Variants in NBDY observed in about 807,000 individuals in gnomAD.
The protein encoded by NBDY is negative regulator of P-body association.
intron 2 of NBDY, among the ~76,000 whole-genome samples, chrX:56,783,302 C>A (rs1194439385): frequency 8.9e-6 from 1 of 112,943 alleles, no homozygotes; most frequent in Admixed American, 9.3e-5. Flanking sequence ...CATGAGTCGC[C>A]CAACACTCAA....
intron 2 of NBDY, among the ~76,000 whole-genome samples, chrX:56,782,073 C>T (rs769957735): frequency 9.0e-6 from 1 of 111,418 alleles, no homozygotes; most frequent in African/African-American, 3.3e-5. Context: ...CAAGAAGCTT[C>T]TCGTTTGTAT....
intron 2 of NBDY, among the ~76,000 whole-genome samples, chrX:56,809,216 A>C (rs1433648735): frequency 8.9e-6 from 1 of 112,006 alleles, no homozygotes; most frequent in Non-Finnish European, 1.9e-5. Context: ...TGCTGCTGAG[A>C]AGAATGTATA....
chrX:56,790,165 C>T (rs747684594), intron 2 of NBDY, among the ~76,000 whole-genome samples: 28 of 112,657 alleles, frequency 2.5e-4, no homozygotes, highest in Non-Finnish European at 4.3e-4. Flanking sequence ...GATGCGAAGC[C>T]ATGACCGCGT....
chrX:56,789,908 T>G (rs1302530028), intron 2 of NBDY, among the ~76,000 whole-genome samples: 1 of 111,378 alleles, frequency 9.0e-6, no homozygotes, highest in Non-Finnish European at 1.9e-5. Context: ...GGCCCTATCT[T>G]TGTTCCTGTT....
At chrX:56,798,504 G>A (rs1450082102) in intron 2 of NBDY, among the ~76,000 whole-genome samples, 1 of 111,735 alleles carries the variant, frequency 8.9e-6, no homozygotes, top group Non-Finnish European at 1.9e-5. Flanking sequence ...CTGTTGAGCA[G>A]TCTGCCCGTT....
intron 2 of NBDY, among the ~76,000 whole-genome samples, chrX:56,798,554 C>G (rs1236939507): frequency 8.9e-6 from 1 of 112,081 alleles, no homozygotes; most frequent in Non-Finnish European, 1.9e-5. Flanking sequence ...GGTAAACTAC[C>G]TAGAGCCTTT....
intron 2 of NBDY, among the ~76,000 whole-genome samples, chrX:56,761,808 C>T (rs113413753): frequency 0.027 from 3,015 of 111,865 alleles, 117 homozygotes; most frequent in African/African-American, 0.093. Context: ...TCGGGGTGCC[C>T]CTCTCCTTTC....
In NBDY at chrX:56,818,044, T is replaced by A. The variant is rs1403081118; in HGVS notation, c.*891T>A. 2 of 111,434 alleles carry A rather than the reference T, an allele frequency of 1.8e-5. No individual in the cohort carries two copies. The highest frequency in any genetic ancestry group is 6.5e-5 in the African/African-American group (2 of 30,746). 9.2% of individuals were successfully genotyped at this position (111,434 alleles called of 1,213,427 possible). ...AAACATTAGATAGCAGCTTTCAATATTTCATATAGTTCATAAATGTTTCAG... is the reference window on the plus strand; with the variant it reads ...AAACATTAGATAGCAGCTTTCAATAATTCATATAGTTCATAAATGTTTCAG... On this transcript the variant is annotated 3_prime_UTR_variant, in exon 3 of 3. Transcript: ENST00000374922.
At chrX:56,802,683 G>A (rs1569292155) in intron 2 of NBDY, among the ~76,000 whole-genome samples, 1 of 113,185 alleles carries the variant, frequency 8.8e-6, no homozygotes, top group Non-Finnish European at 1.9e-5. Context: ...CTTGTCCTGG[G>A]GCGGCAGCCC....
chrX:56,766,626 C>G (rs188199089), intron 2 of NBDY, among the ~76,000 whole-genome samples: 1 of 112,133 alleles, frequency 8.9e-6, no homozygotes, highest in East Asian at 2.8e-4. Context: ...GAAAGGGAGA[C>G]AGAGGAGCAT....
chrX:56,753,275 A>G (rs2069594630), intron 2 of NBDY, among the ~76,000 whole-genome samples: 1 of 112,530 alleles, frequency 8.9e-6, no homozygotes, highest in African/African-American at 3.2e-5. Flanking sequence ...CACAAAGGAT[A>G]GATAGTGATC....
chrX:56,740,798 G>A (rs1463721455), intron 2 of NBDY, among the ~76,000 whole-genome samples: 1 of 110,857 alleles, frequency 9.0e-6, no homozygotes, highest in Non-Finnish European at 1.9e-5. Flanking sequence ...TTTGATACAT[G>A]CAAAGTGTAA....
Position 56,732,169 on chromosome X carries a change from T to A in NBDY, c.*136T>A, listed in dbSNP as rs748489402. On this transcript the variant is annotated 3_prime_UTR_variant, in exon 2 of 3. Coordinates refer to ENST00000374922, the MANE Select transcript of NBDY (RefSeq NM_001348129.2). Reference sequence around the variant, plus strand: ...TACAATGCTACCCTGCTTTTTCTGGTGTCCTGAACCTGGAAGTTGTGCTTT... The same window carrying A: ...TACAATGCTACCCTGCTTTTTCTGGAGTCCTGAACCTGGAAGTTGTGCTTT... 2 of 294,971 alleles carry A rather than the reference T, an allele frequency of 6.8e-6. No homozygotes were observed. The highest frequency in any genetic ancestry group is 4.2e-4 in the South Asian group (2 of 4,810). The allele number at this position is 294,971 out of a possible 1,213,427, so 24.3% of individuals were successfully genotyped here. A position where few individuals can be genotyped will look rare whatever the true frequency, so the allele number is the denominator to read the frequency against.
chrX:56,767,523 G>C (rs1046599126), intron 2 of NBDY, among the ~76,000 whole-genome samples: 2 of 112,585 alleles, frequency 1.8e-5, no homozygotes. Flanking sequence ...CGAGCTACTC[G>C]CCGCGCTTGC....
Position 56,736,454 on chromosome X carries a change from C to T in NBDY, c.*166+4255C>T, listed in dbSNP as rs777435749. On this transcript the variant is annotated intron_variant, in intron 2 of 2. Coordinates refer to ENST00000374922, the MANE Select transcript of NBDY (RefSeq NM_001348129.2). ...CAATTTTCCGCATCCCTAGTAGAGA[C>T]GGGGTTTCACCATGTTGGTCAGGCT... is the stretch of plus-strand genomic sequence containing the variant. Among the ~76,000 whole-genome samples, 32 of 110,725 alleles carry T rather than the reference C, an allele frequency of 2.9e-4. No individual in the cohort carries two copies. In the East Asian group the frequency reaches 6.6e-3, roughly 23 times the overall value.
intron 2 of NBDY, among the ~76,000 whole-genome samples, chrX:56,809,576 A>G (rs1569293159): frequency 9.0e-6 from 1 of 110,831 alleles, no homozygotes. Flanking sequence ...TAGGATTGCA[A>G]CCCCTGCTTT....
At chrX:56,790,032 C>A (rs1388389167) in intron 2 of NBDY, among the ~76,000 whole-genome samples, 2 of 111,393 alleles carry the variant, frequency 1.8e-5, no homozygotes, top group Non-Finnish European at 3.8e-5. Context: ...AACTCTGGTG[C>A]TTGCCGGATA....
chrX:56,817,044 G>A (rs992080428), intron 2 of NBDY, among the ~76,000 whole-genome samples: 9 of 111,466 alleles, frequency 8.1e-5, no homozygotes, highest in South Asian at 3.7e-4. Flanking sequence ...CTTTTTGGGG[G>A]AGAAATATGC....
At chrX:56,797,732 G>C (rs1303219598) in intron 2 of NBDY, among the ~76,000 whole-genome samples, 1 of 110,998 alleles carries the variant, frequency 9.0e-6, no homozygotes, top group Non-Finnish European at 1.9e-5. Context: ...GGATTTCAGT[G>C]TGTACAGTCA....
Sources: allele counts gnomAD v4.1 joint callset (sites outside exome capture counted in the v4.1 genomes callset), GRCh38; gene constraint gnomAD v4.1.1; transcripts MANE v1.5; gene names NCBI Gene and HGNC (gene_info 2026-07-23, HGNC 2026-07-21).